KCNIP4: variants seen among roughly 807,000 people sequenced by gnomAD.
KCNIP4 encodes the protein Kv channel-interacting protein 4.
In KCNIP4, 12 loss-of-function variants were observed where a neutral mutation model predicts 34.0. The ratio of observed to expected loss-of-function variants is 0.35; its 90% confidence interval spans 0.23 to 0.57. KCNIP4 has a LOEUF of 0.57. KCNIP4 is among the 20% of genes least tolerant of loss of function. The probability of loss-of-function intolerance (pLI) is 0.83; values close to 1 mark genes in which losing one functional copy is unlikely to be tolerated. For missense variants in KCNIP4, 238 were observed against 311.7 expected, an observed-to-expected ratio of 0.76 and a Z score of 1.78; for synonymous variants, 124 against 102.2, an observed-to-expected ratio of 1.21 and a Z score of -1.29.
At chr4:21,894,101 G>A in intron 1 of KCNIP4, among the ~76,000 whole-genome samples, 1 of 152,006 alleles carries the variant, frequency 6.6e-6, no homozygotes, top group East Asian at 1.9e-4. Context: ...GGAGGCCCAG[G>A]AAGACAGATC....
At chr4:21,660,667 G>A (rs1748378809) in intron 1 of KCNIP4, among the ~76,000 whole-genome samples, 1 of 152,176 alleles carries the variant, frequency 6.6e-6, no homozygotes, top group Non-Finnish European at 1.5e-5. Flanking sequence ...GGAGGTTAGA[G>A]TGGGCTCATG....
chr4:21,587,544 A>AAAC (rs148342637), intron 1 of KCNIP4, among the ~76,000 whole-genome samples: 3 of 150,724 alleles, frequency 2.0e-5, no homozygotes, highest in Non-Finnish European at 3.0e-5. Context: ...TCTTCCCTGC[A>AAAC]AACAACAACA....
In KCNIP4 at chr4:21,719,977, A is replaced by AG. The variant is rs1553924587; in HGVS notation, c.61+228593_61+228594insC. On this transcript the variant is annotated intron_variant, in intron 1 of 8. Transcript: ENST00000382152. ...AAGCTCCATCTCAAAAAAAAAAAAA[A>AG]AAGAAGAAGAGGAAGAAGAAAAGAA... 1.4e-3 allele frequency among the ~76,000 whole-genome samples: 193 copies of AG among 133,508 alleles called. 4 individuals carry two copies. Among genetic ancestry groups the AG allele is most frequent in the East Asian group, 0.014 (62 of 4,410 alleles). The allele number at this position is 133,508 out of a possible 152,430, so 87.6% of individuals were successfully genotyped here. A position where few individuals can be genotyped will look rare whatever the true frequency, so the allele number is the denominator to read the frequency against.
intron 1 of KCNIP4, among the ~76,000 whole-genome samples, chr4:21,639,459 T>G (rs1746455341): frequency 6.6e-6 from 1 of 152,222 alleles, no homozygotes; most frequent in Non-Finnish European, 1.5e-5. Context: ...AAGAGAATTA[T>G]TTAATTATTT....
At chr4:21,305,577 C>T (rs180708528) in intron 1 of KCNIP4, among the ~76,000 whole-genome samples, 1 of 152,210 alleles carries the variant, frequency 6.6e-6, no homozygotes, top group Admixed American at 6.5e-5. Flanking sequence ...CAGAAACCTT[C>T]CATGGCTCCC....
At chr4:20,750,309 A>AC (rs1263322766) in intron 4 of KCNIP4, among the ~76,000 whole-genome samples, 1 of 152,100 alleles carries the variant, frequency 6.6e-6, no homozygotes, top group Non-Finnish European at 1.5e-5. Flanking sequence ...CTCAGCCAGT[A>AC]CCAGGCTAGC....
At chr4:21,306,876 A>G (rs1578054776) in intron 1 of KCNIP4, among the ~76,000 whole-genome samples, 1 of 151,462 alleles carries the variant, frequency 6.6e-6, no homozygotes, top group Non-Finnish European at 1.5e-5. Flanking sequence ...ATTGGAGTGC[A>G]ATGGTGAGCG....
At chr4:21,775,248 C>T (rs1719096551) in intron 1 of KCNIP4, among the ~76,000 whole-genome samples, 1 of 152,042 alleles carries the variant, frequency 6.6e-6, no homozygotes, top group South Asian at 2.1e-4. Flanking sequence ...TTGCTCGGGG[C>T]TCACTTCAGG....
intron 1 of KCNIP4, among the ~76,000 whole-genome samples, chr4:21,580,903 A>T (rs1741152865): frequency 6.6e-6 from 1 of 152,046 alleles, no homozygotes; most frequent in Non-Finnish European, 1.5e-5. Context: ...CTCCTTTTGT[A>T]AGGATATGTC....
At chr4:21,432,138 A>G (rs1726540206) in intron 1 of KCNIP4, among the ~76,000 whole-genome samples, 1 of 123,484 alleles carries the variant, frequency 8.1e-6, no homozygotes, top group African/African-American at 2.9e-5. Flanking sequence ...ATATATATAT[A>G]CAATCTCCTA....
chr4:20,767,567 T>A (rs1487755988), intron 3 of KCNIP4, among the ~76,000 whole-genome samples: 1 of 152,188 alleles, frequency 6.6e-6, no homozygotes, highest in Non-Finnish European at 1.5e-5. Context: ...CTTTCAGCAT[T>A]TCCTGGAAGG....
intron 1 of KCNIP4, among the ~76,000 whole-genome samples, chr4:21,068,899 A>G (rs919749469): frequency 3.3e-5 from 5 of 152,210 alleles, no homozygotes; most frequent in African/African-American, 1.2e-4. Context: ...TGACCACAGT[A>G]TAGATGTGTT....
At chr4:20,948,255 A>G (rs897089968) in intron 1 of KCNIP4, among the ~76,000 whole-genome samples, 44 of 152,246 alleles carry the variant, frequency 2.9e-4, no homozygotes, top group African/African-American at 9.2e-4. Context: ...GTGAGTCAAT[A>G]TAATATTGGA....
chr4:21,775,965 C>T (rs890984006), intron 1 of KCNIP4, among the ~76,000 whole-genome samples: 4 of 152,312 alleles, frequency 2.6e-5, no homozygotes, highest in African/African-American at 7.2e-5. Flanking sequence ...ACAGCTGGTG[C>T]GGGTCACCCC....
chr4:21,358,972 G>T (rs1184064327), intron 1 of KCNIP4, among the ~76,000 whole-genome samples: 1 of 152,002 alleles, frequency 6.6e-6, no homozygotes, highest in Non-Finnish European at 1.5e-5. Context: ...TCCCCACAAT[G>T]TATAAAACCA....
chr4:20,759,026 G>T, intron 3 of KCNIP4, 136 bp from the exon 4 acceptor site: 2 of 606,266 alleles, frequency 3.3e-6, no homozygotes, highest in Admixed American at 3.1e-5. Flanking sequence ...ATTACAAAGG[G>T]AATAAAAGCA....
chr4:21,914,548 G>GGCCTTT (rs1728523735), intron 1 of KCNIP4, among the ~76,000 whole-genome samples: 2 of 152,032 alleles, frequency 1.3e-5, no homozygotes. Flanking sequence ...GCTTCCCCCA[G>GGCCTTT]GCCTTTGCTG....
At chr4:20,854,777 T>C (rs1291302400) in intron 2 of KCNIP4, among the ~76,000 whole-genome samples, 2 of 152,190 alleles carry the variant, frequency 1.3e-5, no homozygotes, top group Non-Finnish European at 2.9e-5. Flanking sequence ...GTTGGTTTCA[T>C]GGGTACATAC....
intron 1 of KCNIP4, among the ~76,000 whole-genome samples, chr4:21,895,937 G>A (rs1386717855): frequency 6.6e-6 from 1 of 152,078 alleles, no homozygotes; most frequent in Non-Finnish European, 1.5e-5. Flanking sequence ...GGTGATTCTA[G>A]GGTGCCTGAA....
Sources: allele counts gnomAD v4.1 joint callset (sites outside exome capture counted in the v4.1 genomes callset), GRCh38; gene constraint gnomAD v4.1.1; transcripts MANE v1.5; gene names NCBI Gene and HGNC (gene_info 2026-07-23, HGNC 2026-07-21).